GDA: variants seen among roughly 807,000 people sequenced by gnomAD.
The protein encoded by GDA is cytoplasmic PSD-95 interactor.
GDA carries 18 observed loss-of-function variants against 59.6 expected under a neutral mutation model. The ratio of observed to expected loss-of-function variants is 0.30; its 90% CI spans 0.21 to 0.45. The LOEUF is 0.45. Among genes scored for constraint, GDA ranks in the 20% least tolerant of loss-of-function variants. GDA has a pLI of 1.00. For synonymous variants in GDA, 201 were observed against 201.1 expected (o/e 1.00, Z 0.00); for missense variants, 427 against 552.3 (o/e 0.77, Z 2.27).
At chr9:72,142,791 G>T (rs142728076) in intron 1 of GDA, among the ~76,000 whole-genome samples, 3 of 151,848 alleles carry the variant, frequency 2.0e-5, no homozygotes, top group African/African-American at 7.3e-5. Flanking sequence ...TTATTGAGAC[G>T]GAGTTTTGCT....
intron 1 of GDA, among the ~76,000 whole-genome samples, chr9:72,160,292 G>A: frequency 6.6e-6 from 1 of 152,078 alleles, no homozygotes; most frequent in East Asian, 1.9e-4. Context: ...CTGGGCAACA[G>A]AACGAGACTC....
rs758261288 is a variant in GDA at position 72,149,534 on chromosome 9, G to A, written c.-26G>A. On this transcript the variant is annotated 5_prime_UTR_variant, in exon 1 of 14. Transcript: ENST00000358399. ...CCGCGTGCGCCCTCCTCGACCAGCA[G>A]ACCCGCGCTGCGCTCCGCCGCTGAC... 8 of 1,606,800 alleles carry A rather than the reference G, an allele frequency of 5.0e-6. No individual in the cohort carries two copies. The East Asian group carries it at 1.8e-4, about 36-fold the overall frequency.
chr9:72,218,227 A>G (rs1286441228), intron 5 of GDA, among the ~76,000 whole-genome samples: 1 of 152,168 alleles, frequency 6.6e-6, no homozygotes, highest in Non-Finnish European at 1.5e-5. Flanking sequence ...ATGTAATTTT[A>G]TTCTGTTCAA....
intron 1 of GDA, among the ~76,000 whole-genome samples, chr9:72,186,084 G>A (rs1445107706): frequency 2.0e-5 from 3 of 152,094 alleles, no homozygotes; most frequent in Admixed American, 2.0e-4. Flanking sequence ...GCCATGGTGG[G>A]TACCCACTAG....
intron 1 of GDA, among the ~76,000 whole-genome samples, chr9:72,159,256 T>C (rs570633610): frequency 2.0e-5 from 3 of 152,204 alleles, no homozygotes; most frequent in East Asian, 3.9e-4. Flanking sequence ...TAGCCAGGCA[T>C]GATGGCAGGT....
intron 3 of GDA, among the ~76,000 whole-genome samples, chr9:72,204,388 C>T (rs1482483189): frequency 6.6e-6 from 1 of 151,518 alleles, no homozygotes; most frequent in East Asian, 1.9e-4. Context: ...GTCATGATAT[C>T]AAGGCAAAGA....
At chr9:72,125,948 G>T (rs138079914) in intron 1 of GDA, among the ~76,000 whole-genome samples, 93 of 152,152 alleles carry the variant, frequency 6.1e-4, no homozygotes, top group African/African-American at 2.2e-3. Context: ...ACAGAGTCTC[G>T]CTCTGTTGCC....
intron 1 of GDA, among the ~76,000 whole-genome samples, chr9:72,132,899 A>G (rs951423047): frequency 1.3e-5 from 2 of 152,200 alleles, no homozygotes; most frequent in African/African-American, 2.4e-5. Context: ...ATTACCGCCA[A>G]GGACAAAGTG....
chr9:72,206,198 A>T (rs1275134465), intron 3 of GDA, among the ~76,000 whole-genome samples: 4 of 152,078 alleles, frequency 2.6e-5, no homozygotes, highest in African/African-American at 9.7e-5. Context: ...TGTTGATTTG[A>T]CATTTTTTTC....
At chr9:72,239,152 G>A (rs1437711028) in intron 10 of GDA, among the ~76,000 whole-genome samples, 1 of 152,104 alleles carries the variant, frequency 6.6e-6, no homozygotes, top group Non-Finnish European at 1.5e-5. Flanking sequence ...CTGTCACAGT[G>A]GAAATCCCTG....
intron 10 of GDA, among the ~76,000 whole-genome samples, chr9:72,240,278 A>G (rs1297965303): frequency 2.6e-5 from 4 of 152,230 alleles, no homozygotes; most frequent in Non-Finnish European, 5.9e-5. Flanking sequence ...AAAAATTACA[A>G]AGAAGTGGCT....
chr9:72,259,627 A>G (rs1840918887), downstream of GDA, among the ~76,000 whole-genome samples: 1 of 152,170 alleles, frequency 6.6e-6, no homozygotes, highest in Admixed American at 6.5e-5. Flanking sequence ...AATGCTTGAG[A>G]CACGGCCTAA....
intron 1 of GDA, among the ~76,000 whole-genome samples, chr9:72,140,505 T>C (rs1345540508): frequency 6.6e-6 from 1 of 152,128 alleles, no homozygotes; most frequent in Non-Finnish European, 1.5e-5. Context: ...GTTGTTGTTA[T>C]GCAAAACAAT....
chr9:72,250,414 C>A lies in GDA; in HGVS notation c.*2072C>A. ...AGCAGTAGGAATGGCCGTATACAAC[C>A]ATCCTGTTAAACATTTAAATTTAGC... is the stretch of plus-strand genomic sequence containing the variant. On this transcript the variant is annotated 3_prime_UTR_variant, in exon 14 of 14. Coordinates refer to ENST00000358399, the MANE Select transcript of GDA (RefSeq NM_004293.5). 2 of 1,181,838 alleles carry A rather than the reference C, an allele frequency of 1.7e-6. No individual in the cohort carries two copies. The highest frequency in any genetic ancestry group is 2.0e-5 in the South Asian group (1 of 49,130). 73.2% of individuals were successfully genotyped at this position (1,181,838 alleles called of 1,614,324 possible). A position where few individuals can be genotyped will look rare whatever the true frequency, so the allele number is the denominator to read the frequency against.
chr9:72,245,309 T>A, intron 12 of GDA, 31 bp downstream of exon 12: 1 of 1,556,610 alleles, frequency 6.4e-7, no homozygotes, highest in Non-Finnish European at 8.9e-7. Context: ...CAAAAGGCAT[T>A]TATTTCATAA....
chr9:72,252,572 G>T (rs1368562542), downstream of GDA, among the ~76,000 whole-genome samples: 1 of 152,078 alleles, frequency 6.6e-6, no homozygotes, highest in Non-Finnish European at 1.5e-5. Flanking sequence ...TAAAACAAAA[G>T]TTTCACAGAA....
intron 1 of GDA, among the ~76,000 whole-genome samples, chr9:72,192,222 CCT>C (rs1832640461): frequency 2.1e-5 from 2 of 97,526 alleles, no homozygotes; most frequent in South Asian, 3.5e-4. Context: ...TTTCAAATAG[CCT>C]TTTTTTTTTT....
At chr9:72,224,990 C>T (rs560580389) in intron 7 of GDA, among the ~76,000 whole-genome samples, 16 of 152,158 alleles carry the variant, frequency 1.1e-4, no homozygotes, top group East Asian at 1.9e-4. Context: ...TTTTCTTAAA[C>T]GGCCAGTATG....
intron 1 of GDA, among the ~76,000 whole-genome samples, chr9:72,126,843 A>G (rs1043181762): frequency 1.8e-4 from 28 of 152,174 alleles, no homozygotes; most frequent in African/African-American, 6.5e-4. Flanking sequence ...TTGGGATTAC[A>G]TGCGTGAGCC....
Sources: gnomAD v4.1 joint callset for allele counts (sites outside exome capture counted in the v4.1 genomes callset) on GRCh38, gnomAD v4.1.1 for gene constraint, MANE v1.5 for transcripts, NCBI Gene and HGNC (gene_info 2026-07-23, HGNC 2026-07-21) for gene names.